NR5A1: variants seen among roughly 807,000 people sequenced by gnomAD.
NR5A1 encodes steroidogenic factor 1.
NR5A1 carries 6 observed loss-of-function variants against 42.7 expected under a neutral mutation model. That is an observed-to-expected ratio of 0.14 (90% CI 0.08 to 0.28). NR5A1 has a LOEUF of 0.28. NR5A1 is among the 10% of genes least tolerant of loss of function. The pLI, the probability that NR5A1 is intolerant of heterozygous loss-of-function variation, is 1.00. For missense variants in NR5A1, 442 were observed against 626.4 expected (o/e 0.71, Z 3.14); for synonymous variants, 274 against 277.5 (o/e 0.99, Z 0.12).
rs570307000 is a variant in NR5A1, at chr9:124,492,268, C to T, written c.990+762G>A. ...CCCCCTCCCTCTCTTTCCCTACAGC[C>T]CATCTCTCCAGGTGAGTCTTCCTCC... On this transcript the variant is annotated intron_variant, in intron 5 of 6. Coordinates refer to ENST00000373588, the MANE Select transcript of NR5A1 (RefSeq NM_004959.5). 9.2e-5 allele frequency among the ~76,000 whole-genome samples: 14 copies of T among 151,534 alleles called. No individual in the cohort carries two copies. The East Asian group carries it at 2.5e-3, about 27-fold the overall frequency.
Position 124,481,852 on chromosome 9 carries a change from A to T in NR5A1, c.*906T>A, listed in dbSNP as rs552345073. ...TTAGTAGGCGAGTGTCCGGGGAGAA[A>T]CCGTCAGCTGTACTTAGTGGCAATC... On this transcript the variant is annotated 3_prime_UTR_variant, in exon 7 of 7. Transcript: ENST00000373588. 1.3e-5 allele frequency: 2 copies of T among 152,320 alleles called. No individual in the cohort carries two copies. Among genetic ancestry groups the T allele is most frequent in the East Asian group, 3.9e-4 (2 of 5,186 alleles). The allele number at this position is 152,320 out of a possible 1,614,324, so 9.4% of individuals were successfully genotyped here.
rs893191829 is a variant in NR5A1 at position 124,482,433 on chromosome 9, C to T, written c.*325G>A. ...ACCAGGGAATCCCGAACCTCCTCCC[C>T]GGACCTGCAGGCTTCAGACTCCAGG... On this transcript the variant is annotated 3_prime_UTR_variant, in exon 7 of 7. Coordinates refer to ENST00000373588, the MANE Select transcript of NR5A1 (RefSeq NM_004959.5). 2.8e-5 allele frequency: 11 copies of T among 399,598 alleles called. No homozygotes were observed. In the Admixed American group the frequency reaches 4.0e-4, roughly 15 times the overall value. The allele number at this position is 399,598 out of a possible 1,614,324, so 24.8% of individuals were successfully genotyped here.
intron 1 of NR5A1, among the ~76,000 whole-genome samples, chr9:124,504,062 A>AGG (rs1832512930): frequency 6.7e-6 from 1 of 149,730 alleles, no homozygotes; most frequent in African/African-American, 2.5e-5. Context: ...CGAGAGAGAG[A>AGG]GAGAGAGAGA....
At chr9:124,491,015 TCACCCACCCTCC>T in intron 6 of NR5A1, 54 bp downstream of exon 6, 6 of 634,780 alleles carry the variant, frequency 9.5e-6, no homozygotes, top group Non-Finnish European at 1.4e-5. Flanking sequence ...CTCTCCAGCC[TCACCCACCCTCC>T]CACCCACCCG....
At chr9:124,484,712 C>G (rs944874590) in intron 6 of NR5A1, among the ~76,000 whole-genome samples, 2 of 152,028 alleles carry the variant, frequency 1.3e-5, no homozygotes, top group Admixed American at 6.6e-5. Flanking sequence ...CGAGATTGCA[C>G]CACTGCATTC....
chr9:124,482,701 C>CCCCCA lies in NR5A1; in HGVS notation c.*56_*57insTGGGG. 5 of 701,254 alleles carry CCCCCA rather than the reference C, an allele frequency of 7.1e-6. No individual in the cohort carries two copies. Among genetic ancestry groups the CCCCCA allele is most frequent in the South Asian group, 4.5e-5 (3 of 66,034 alleles). The allele number at this position is 701,254 out of a possible 1,614,324, so 43.4% of individuals were successfully genotyped here. ...GGAGCCAGCGGTGTGGCTGCGGCCC[C>CCCCCA]GCCCAGGCCCCGCCCCCAGTCCCGC... On this transcript the variant is annotated 3_prime_UTR_variant, in exon 7 of 7. Transcript: ENST00000373588.
Position 124,503,063 on chromosome 9 carries a change from C to A in NR5A1, c.244+16G>T, listed in dbSNP as rs769105721. ...GGCTGTGGGGGGTCAGGGGTCGAGGCCCGCGCGGCGCGCACCTTCCAGGCG... is the reference window on the plus strand; with the variant it reads ...GGCTGTGGGGGGTCAGGGGTCGAGGACCGCGCGGCGCGCACCTTCCAGGCG... On this transcript the variant is annotated intron_variant, in intron 3 of 6. Transcript: ENST00000373588. The surrounding 1 kb of genome is among the most constrained non-coding windows in gnomAD (Gnocchi z 9.6). The A allele has an allele frequency of 1.2e-5, 19 of 1,559,140 alleles. No individual in the cohort carries two copies. The highest frequency in any genetic ancestry group is 1.6e-5 in the Non-Finnish European group (18 of 1,156,244).
rs772463943 is a variant in NR5A1, at chr9:124,503,392, C to G, written c.4G>C (p.Asp2His). The change falls in exon 2 of 7, where the codon GAC becomes CAC. Residue 2 changes from aspartate to histidine, a missense_variant. By Grantham distance (81) the Asp-to-His change is moderately conservative (BLOSUM62 -1). Around this residue, in one of 3 missense-constraint regions of NR5A1, gnomAD observed 71 missense variants for 156.8 expected, o/e 0.45. Coordinates refer to ENST00000373588, the MANE Select transcript of NR5A1 (RefSeq NM_004959.5). The surrounding 1 kb of genome is among the most constrained non-coding windows in gnomAD (Gnocchi z 9.6). M[D>H]YSYDEDLDEL... ...TCCAGGTCCTCGTCGTACGAATAGT[C>G]CATGCCCGCGGCGTCCGCCTGCGGA... 1 of 1,608,732 alleles carries G rather than the reference C, an allele frequency of 6.2e-7. No homozygotes were observed. Among genetic ancestry groups the G allele is most frequent in the Non-Finnish European group, 8.5e-7 (1 of 1,178,416 alleles).
At chr9:124,495,440 G>T (rs1173889939) in intron 4 of NR5A1, among the ~76,000 whole-genome samples, 1 of 152,216 alleles carries the variant, frequency 6.6e-6, no homozygotes, top group Non-Finnish European at 1.5e-5. Context: ...CCTGCCGGAG[G>T]CAACACTCGG....
intron 5 of NR5A1, 33 bp from the exon 6 acceptor site, chr9:124,491,261 C>A: frequency 6.4e-7 from 1 of 1,561,450 alleles, no homozygotes; most frequent in South Asian, 1.2e-5. Context: ...GGGGGACAGT[C>A]AGAGGACGTG....
Position 124,482,914 on chromosome 9 carries a change from C to A in NR5A1, c.1230G>T (p.Pro410=). 1 of 1,614,160 alleles carries A rather than the reference C, an allele frequency of 6.2e-7. No homozygotes were observed. Among genetic ancestry groups the A allele is most frequent in the Non-Finnish European group, 8.5e-7 (1 of 1,180,036 alleles). ...ALLDYTLCHY[P]HCGDKFQQLL... ...GCTGCTGGAATTTGTCCCCGCAGTG[C>A]GGGTAGTGGCACAGGGTGTAGTCAA... The change falls in exon 7 of 7, where the codon CCG becomes CCT. Residue 410 remains proline, a synonymous_variant. Transcript: ENST00000373588.
At position 124,501,263 on chromosome 9, in the gene NR5A1, G is replaced by A. The variant is rs1190254418; in HGVS notation, c.245-548C>T. On this transcript the variant is annotated intron_variant, in intron 3 of 6. Coordinates refer to ENST00000373588, the MANE Select transcript of NR5A1 (RefSeq NM_004959.5). This position sits in a 1 kb window ranked among gnomAD's most constrained non-coding sequence, Gnocchi z 4.1. ...GGGACCCTGGTCAGCCTTGTTCACC[G>A]CTGGCCCCAGGGTCCAGCTGTTTGT... 2.6e-5 allele frequency among the ~76,000 whole-genome samples: 4 copies of A among 152,260 alleles called. No homozygotes were observed. The highest frequency in any genetic ancestry group is 2.9e-5 in the Non-Finnish European group (2 of 68,022).
At chr9:124,487,331 CT>C (rs1482079319) in intron 6 of NR5A1, among the ~76,000 whole-genome samples, 2 of 152,260 alleles carry the variant, frequency 1.3e-5, no homozygotes, top group African/African-American at 4.8e-5. Flanking sequence ...TTCAGGCCGC[CT>C]TTTGTTGGCG....
intron 5 of NR5A1, 29 bp from the exon 6 acceptor site, chr9:124,491,257 C>T (rs1457340508): frequency 1.3e-6 from 2 of 1,570,202 alleles, no homozygotes; most frequent in East Asian, 2.3e-5. Context: ...GGGCGGGGGA[C>T]AGTCAGAGGA....
At chr9:124,490,174 A>G (rs1319877458) in intron 6 of NR5A1, among the ~76,000 whole-genome samples, 1 of 151,892 alleles carries the variant, frequency 6.6e-6, no homozygotes, top group Non-Finnish European at 1.5e-5. Flanking sequence ...ATCCTCCAAA[A>G]CCCTGCTCAG....
chr9:124,491,020 C>CCCCCCA, intron 6 of NR5A1, 61 bp downstream of exon 6: 1 of 519,494 alleles, frequency 1.9e-6, no homozygotes, highest in Non-Finnish European at 3.4e-6. Flanking sequence ...CAGCCTCACC[C>CCCCCCA]ACCCTCCCAC....
rs1217752658 is a variant in NR5A1, at chr9:124,498,353, G to C, written c.870+1737C>G. Among the ~76,000 whole-genome samples the C allele has an allele frequency of 6.6e-6, 1 of 152,152 alleles. No individual in the cohort carries two copies. Among genetic ancestry groups the C allele is most frequent in the African/African-American group, 2.4e-5 (1 of 41,420 alleles). On this transcript the variant is annotated intron_variant, in intron 4 of 6. Coordinates refer to ENST00000373588, the MANE Select transcript of NR5A1 (RefSeq NM_004959.5). This position sits in a 1 kb window ranked among gnomAD's most constrained non-coding sequence, Gnocchi z 4.6. ...CTGGTGACCACTGCTCATAATCCCG[G>C]GCTCAATTCAAAGACTTTGAGAAGG...
Position 124,482,689 on chromosome 9 carries a change from T to C in NR5A1, c.*69A>G. 1 of 1,236,152 alleles carries C rather than the reference T, an allele frequency of 8.1e-7. No individual in the cohort carries two copies. Among genetic ancestry groups the C allele is most frequent in the Non-Finnish European group, 1.1e-6 (1 of 888,250 alleles). 76.6% of individuals were successfully genotyped at this position (1,236,152 alleles called of 1,614,324 possible). ...AATGAACCATGCGGAGCCAGCGGTG[T>C]GGCTGCGGCCCCGCCCAGGCCCCGC... On this transcript the variant is annotated 3_prime_UTR_variant, in exon 7 of 7. Coordinates refer to ENST00000373588, the MANE Select transcript of NR5A1 (RefSeq NM_004959.5).
chr9:124,491,652 CGCTGGGTCACA>C (rs1360839058), intron 5 of NR5A1, among the ~76,000 whole-genome samples: 6 of 152,074 alleles, frequency 3.9e-5, no homozygotes, highest in Non-Finnish European at 8.8e-5. Context: ...CACACCTACA[CGCTGGGTCACA>C]GCTCAGCTCA....
Sources: allele counts gnomAD v4.1 joint callset (sites outside exome capture counted in the v4.1 genomes callset), GRCh38; gene constraint gnomAD v4.1.1; regional missense constraint gnomAD v4.1.1; non-coding constraint Gnocchi (gnomAD v3.1); transcripts MANE v1.5; gene names NCBI Gene and HGNC (gene_info 2026-07-23, HGNC 2026-07-21).